DNAH10: variants seen among roughly 807,000 people sequenced by gnomAD.
DNAH10 encodes axonemal beta dynein heavy chain 10.
DNAH10 carries 348 observed loss-of-function variants against 506.6 expected under a neutral mutation model. The ratio of observed to expected loss-of-function variants is 0.69; its 90% confidence interval spans 0.63 to 0.75. The LOEUF is 0.75. DNAH10 is among the 30% of genes least tolerant of loss of function. DNAH10 has a pLI of 0.00. For missense variants in DNAH10, 5,179 were observed against 5,787.1 expected (o/e 0.89, Z 3.41); for synonymous variants, 2,059 against 2,198.6 (o/e 0.94, Z 1.78).
intron 4 of DNAH10, 137 bp from the exon 5 acceptor site, chr12:123,774,012 G>T: frequency 3.2e-6 from 2 of 629,282 alleles, no homozygotes; most frequent in East Asian, 5.5e-5. Context: ...ACACAAATAG[G>T]GGATATTCTG....
rs71088963 is a variant in DNAH10, at chr12:123,866,229, C to CTTTTTTTTTT, written c.7167+178_7167+187dup. On this transcript the variant is annotated intron_variant, in intron 41 of 78. Coordinates refer to ENST00000673944, the MANE Select transcript of DNAH10 (RefSeq NM_001372106.1). ...AATAAGTGAAAACATGGCAGACACACTTTTTTTTTTTTTTTTTTTTTTTTT... is the reference window on the plus strand; with the variant it reads ...AATAAGTGAAAACATGGCAGACACACTTTTTTTTTTTTTTTTTTTTTTTTTTTTTTTTTTT... 1.8e-3 allele frequency among the ~76,000 whole-genome samples: 106 copies of CTTTTTTTTTT among 58,210 alleles called. 22 individuals carry two copies. The highest frequency in any genetic ancestry group is 2.1e-3 in the Non-Finnish European group (67 of 32,268). 38.2% of individuals were successfully genotyped at this position (58,210 alleles called of 152,430 possible).
Position 123,903,934 on chromosome 12 carries a change from C to T in DNAH10, c.9815+821C>T, listed in dbSNP as rs922210784. 6.6e-6 allele frequency among the ~76,000 whole-genome samples: 1 copy of T among 152,216 alleles called. No homozygotes were observed. The highest frequency in any genetic ancestry group is 1.5e-5 in the Non-Finnish European group (1 of 68,044). Reference sequence around the variant, plus strand: ...TTCCTGGCCCCACACACGGGTCTCGCAGCCGAGAGGCTCCGTTCCTGGGTC... The same window carrying T: ...TTCCTGGCCCCACACACGGGTCTCGTAGCCGAGAGGCTCCGTTCCTGGGTC... On this transcript the variant is annotated intron_variant, in intron 57 of 78. Coordinates refer to ENST00000673944, the MANE Select transcript of DNAH10 (RefSeq NM_001372106.1). This position sits in a 1 kb window ranked among gnomAD's most constrained non-coding sequence, Gnocchi z 4.6.
Position 123,859,284 on chromosome 12 carries a change from G to A in DNAH10, c.6749+16G>A, listed in dbSNP as rs377357497. On this transcript the variant is annotated intron_variant, in intron 38 of 78. Transcript: ENST00000673944. ...CCCAGACCAAGTGAGTATGACCTCC[G>A]TAGGGAGGGCCTGGCTGCCACAGGG... is the stretch of plus-strand genomic sequence containing the variant. 2.1e-5 allele frequency: 33 copies of A among 1,553,642 alleles called. No homozygotes were observed. The highest frequency in any genetic ancestry group is 2.8e-5 in the Non-Finnish European group (32 of 1,152,594).
chr12:123,825,597 G>A (rs1323059088), intron 24 of DNAH10, among the ~76,000 whole-genome samples: 1 of 152,120 alleles, frequency 6.6e-6, no homozygotes, highest in Non-Finnish European at 1.5e-5. Context: ...AAATGCAAAC[G>A]AATTTATGGT....
At chr12:123,874,639 T>TCCATCCATC (rs1375788677) in intron 46 of DNAH10, among the ~76,000 whole-genome samples, 17 of 121,938 alleles carry the variant, frequency 1.4e-4, no homozygotes, top group African/African-American at 5.4e-4. Flanking sequence ...ATCCATCCAT[T>TCCATCCATC]CAATGGATGG....
intron 23 of DNAH10, 63 bp downstream of exon 23, chr12:123,819,313 C>G: frequency 1.5e-6 from 2 of 1,310,338 alleles, no homozygotes; most frequent in East Asian, 4.8e-5. Flanking sequence ...GTATGTTTTG[C>G]TTAAGAGTTT....
At chr12:123,929,103 C>G in intron 70 of DNAH10, 172 bp from the exon 71 acceptor site, 1 of 669,298 alleles carries the variant, frequency 1.5e-6, no homozygotes, top group South Asian at 1.9e-5. Context: ...GCCAGAACAT[C>G]TAGTCCTTTA....
rs757350192 is a variant in DNAH10 at position 123,785,728 on chromosome 12, C to G, written c.1231-18C>G. ...CAAGGCTAAGGGCTCTTGCGTGGCT[C>G]TCTCCTCTCTTGGTCAGAACATAAC... On this transcript the variant is annotated intron_variant, in intron 8 of 78. Coordinates refer to ENST00000673944, the MANE Select transcript of DNAH10 (RefSeq NM_001372106.1). This position sits in a 1 kb window ranked among gnomAD's most constrained non-coding sequence, Gnocchi z 4.1. The G allele has an allele frequency of 1.9e-6, 3 of 1,553,606 alleles. No individual in the cohort carries two copies. Among genetic ancestry groups the G allele is most frequent in the Admixed American group, 1.8e-5 (1 of 56,086 alleles).
rs557175172 is a variant in DNAH10, at chr12:123,931,585, C to T, written c.12917-51C>T. 85 of 1,608,420 alleles carry T rather than the reference C, an allele frequency of 5.3e-5. No individual in the cohort carries two copies. In the African/African-American group the frequency reaches 7.6e-4, roughly 14 times the overall value. ...CAGAACTGGAAGGCTCAGGAGGCTCCGGTTCTGCACGTGGATGCCTTGCTT... is the reference window on the plus strand; with the variant it reads ...CAGAACTGGAAGGCTCAGGAGGCTCTGGTTCTGCACGTGGATGCCTTGCTT... On this transcript the variant is annotated intron_variant, in intron 74 of 78. Coordinates refer to ENST00000673944, the MANE Select transcript of DNAH10 (RefSeq NM_001372106.1).
intron 24 of DNAH10, among the ~76,000 whole-genome samples, chr12:123,823,626 T>C (rs1418140058): frequency 1.3e-5 from 2 of 152,160 alleles, no homozygotes; most frequent in East Asian, 3.8e-4. Flanking sequence ...ATGTTTAATT[T>C]TTCTGGGTTC....
chr12:123,910,743 T>TA (rs1359597656), intron 59 of DNAH10, 71 bp downstream of exon 59: 1 of 1,545,494 alleles, frequency 6.5e-7, no homozygotes. Context: ...CACATGTACA[T>TA]ACCTTTGCTG....
chr12:123,835,659 C>A, intron 28 of DNAH10, 131 bp downstream of exon 28: 1 of 1,356,664 alleles, frequency 7.4e-7, no homozygotes, highest in Non-Finnish European at 9.8e-7. Flanking sequence ...GGGTTTTGCT[C>A]TGTTGCCCAG....
At chr12:123,908,571 G>T (rs140210721) in intron 57 of DNAH10, 7,315 of 456,092 alleles carry the variant, frequency 0.016, 91 homozygotes, top group Middle Eastern at 0.025. Flanking sequence ...GATGGGTTCG[G>T]TTCCTTCTCT....
At chr12:123,778,714 AT>A (rs201330266) in intron 5 of DNAH10, among the ~76,000 whole-genome samples, 1,678 of 152,154 alleles carry the variant, frequency 0.011, 14 homozygotes, top group South Asian at 0.032. Flanking sequence ...AAGAAAAAAA[AT>A]ATATATGTTC....
At chr12:123,770,918 C>G (rs979180204) in intron 2 of DNAH10, among the ~76,000 whole-genome samples, 1 of 150,938 alleles carries the variant, frequency 6.6e-6, no homozygotes, top group Non-Finnish European at 1.5e-5. Flanking sequence ...TTGTCCCTCA[C>G]AAGTTTTGCA....
intron 5 of DNAH10, among the ~76,000 whole-genome samples, chr12:123,779,574 C>A (rs1957565834): frequency 6.7e-6 from 1 of 149,920 alleles, no homozygotes; most frequent in Non-Finnish European, 1.5e-5. Flanking sequence ...ATTTTGGAAC[C>A]CCCACTTGAT....
Position 123,794,017 on chromosome 12 carries a change from A to G in DNAH10, c.1891A>G (p.Met631Val), listed in dbSNP as rs527420432. ...TLRSAEAAFD[M>V]LLKFKHIRSR... ...TCGATCTGCTGAAGCAGCATTTGACATGCTTTTAAAATTTAAGCACATTCG... is the reference window on the plus strand; with the variant it reads ...TCGATCTGCTGAAGCAGCATTTGACGTGCTTTTAAAATTTAAGCACATTCG... Residue 631 changes from methionine (M) to valine (V), a missense_variant, in exon 12 of 79, where the codon ATG (methionine) becomes GTG (valine). Around this residue, in one of 3 missense-constraint regions of DNAH10, gnomAD observed 4,844 missense variants for 5,430.5 expected, o/e 0.89. Transcript: ENST00000673944. The G allele has an allele frequency of 1.3e-4, 166 of 1,286,060 alleles. No homozygotes were observed. The highest frequency in any genetic ancestry group is 5.1e-4 in the Admixed American group (22 of 43,076). The allele number at this position is 1,286,060 out of a possible 1,614,324, so 79.7% of individuals were successfully genotyped here.
In DNAH10 at chr12:123,804,892, G is replaced by A. The variant is rs1380115023; in HGVS notation, c.2839G>A (p.Val947Ile). ...RERASDVDHM[V>I]RWYLAIGPLL... ...AAGGGCCAGCGACGTGGACCACATG[G>A]TCCGGTGGTATCTTGCCATTGGACC... The change falls in exon 18 of 79, where the codon GTC becomes ATC. Residue 947 changes from valine to isoleucine, a missense_variant. By Grantham distance (29) the Val-to-Ile change is conservative. Around this residue, in one of 3 missense-constraint regions of DNAH10, gnomAD observed 4,844 missense variants for 5,430.5 expected, o/e 0.89. Coordinates refer to ENST00000673944, the MANE Select transcript of DNAH10 (RefSeq NM_001372106.1). 4 of 1,613,562 alleles carry A rather than the reference G, an allele frequency of 2.5e-6. No homozygotes were observed. The Admixed American group carries it at 6.7e-5, about 27-fold the overall frequency.
rs79196160 is a variant in DNAH10 at position 123,820,467 on chromosome 12, G to A, written c.4001-113G>A. 2,663 of 1,092,142 alleles carry A rather than the reference G, an allele frequency of 2.4e-3. 35 individuals are homozygous for A. In the African/African-American group the frequency reaches 0.033, roughly 13 times the overall value. 67.7% of individuals were successfully genotyped at this position (1,092,142 alleles called of 1,614,324 possible). A position where few individuals can be genotyped will look rare whatever the true frequency, so the allele number is the denominator to read the frequency against. On this transcript the variant is annotated intron_variant, in intron 23 of 78. Transcript: ENST00000673944. ...GCCATGATTCTAAATTTGTCTTCCC[G>A]TGTGGTTTATGAGGATGAAATTATA...
Sources: allele counts gnomAD v4.1 joint callset (sites outside exome capture counted in the v4.1 genomes callset), GRCh38; gene constraint gnomAD v4.1.1; regional missense constraint gnomAD v4.1.1; non-coding constraint Gnocchi (gnomAD v3.1); transcripts MANE v1.5; gene names NCBI Gene and HGNC (gene_info 2026-07-23, HGNC 2026-07-21).